HCN3: variants seen among roughly 807,000 people sequenced by gnomAD.
HCN3 encodes the protein potassium/sodium hyperpolarization-activated cyclic nucleotide-gated channel 3.
In HCN3, 36 loss-of-function variants were observed where a neutral mutation model predicts 56.8. The ratio of observed to expected loss-of-function variants is 0.63; its 90% CI spans 0.49 to 0.84. HCN3 has a LOEUF of 0.84. HCN3 is among the 40% of genes least tolerant of loss of function. HCN3 has a pLI of 0.00. For missense variants in HCN3, 930 were observed against 1,079.3 expected (o/e 0.86, Z 1.94); for synonymous variants, 425 against 439.7 (o/e 0.97, Z 0.42).
Position 155,285,434 on chromosome 1 carries a change from G to A in HCN3, c.1236+123G>A. On this transcript the variant is annotated intron_variant, in intron 5 of 7. Coordinates refer to ENST00000368358, the MANE Select transcript of HCN3 (RefSeq NM_020897.3). The surrounding 1 kb of genome is among the most constrained non-coding windows in gnomAD (Gnocchi z 4.5). ...GAGGCCTGCAGAGGGCCCCGTGGGA[G>A]GCCAGGTATTTGGGCTTTCAGGGGC... 1 of 1,332,414 alleles carries A rather than the reference G, an allele frequency of 7.5e-7. No individual in the cohort carries two copies. Among genetic ancestry groups the A allele is most frequent in the Non-Finnish European group, 1.0e-6 (1 of 985,656 alleles). The allele number at this position is 1,332,414 out of a possible 1,614,324, so 82.5% of individuals were successfully genotyped here. A position where few individuals can be genotyped will look rare whatever the true frequency, so the allele number is the denominator to read the frequency against.
In HCN3 at chr1:155,285,596, C is replaced by T. The variant is rs1674248706; in HGVS notation, c.1237-128C>T. On this transcript the variant is annotated intron_variant, in intron 5 of 7. Coordinates refer to ENST00000368358, the MANE Select transcript of HCN3 (RefSeq NM_020897.3). This position sits in a 1 kb window ranked among gnomAD's most constrained non-coding sequence, Gnocchi z 4.5. ...CAGGAGCTTAGGGATGGTCCCAGGC[C>T]CACTGATGCCTCCCCATCCTTTGGC... 1 of 1,308,188 alleles carries T rather than the reference C, an allele frequency of 7.6e-7. No homozygotes were observed. Among genetic ancestry groups the T allele is most frequent in the Non-Finnish European group, 1.0e-6 (1 of 957,330 alleles). The allele number at this position is 1,308,188 out of a possible 1,614,324, so 81.0% of individuals were successfully genotyped here.
chr1:155,286,396 C>T (rs1292890326), intron 6 of HCN3, among the ~76,000 whole-genome samples: 1 of 152,192 alleles, frequency 6.6e-6, no homozygotes, highest in African/African-American at 2.4e-5. Flanking sequence ...CCGCCCGCCT[C>T]AGCCTCCCAA....
intron 1 of HCN3, among the ~76,000 whole-genome samples, chr1:155,279,794 A>G (rs1673948028): frequency 6.6e-6 from 1 of 152,118 alleles, no homozygotes; most frequent in Non-Finnish European, 1.5e-5. Context: ...TCTCCATGTA[A>G]ATGTTTTCAG....
In HCN3 at chr1:155,285,219, C is replaced by T. The variant is rs1467465262; in HGVS notation, c.1144C>T (p.Gln382Ter). The T allele has an allele frequency of 6.2e-7, 1 of 1,614,246 alleles. No homozygotes were observed. The highest frequency in any genetic ancestry group is 1.7e-5 in the Admixed American group (1 of 60,030). ...SFHKLPADTR[Q>*]RIHEYYEHRY... ...CCACAAGCTGCCAGCAGACACGCGG[C>T]AGCGCATCCACGAGTACTATGAGCA... The change falls in exon 5 of 8, where the codon CAG becomes TAG. Residue 382 changes from glutamine to a stop codon, truncating the protein, a stop_gained. Transcript: ENST00000368358. LOFTEE classifies it high-confidence loss of function. The surrounding 1 kb of genome is among the most constrained non-coding windows in gnomAD (Gnocchi z 4.5).
At position 155,285,980 on chromosome 1, in the gene HCN3, G is replaced by A. The variant is rs1356777839; in HGVS notation, c.1477+16G>A. 1 of 1,563,616 alleles carries A rather than the reference G, an allele frequency of 6.4e-7. No homozygotes were observed. The highest frequency in any genetic ancestry group is 1.8e-5 in the Admixed American group (1 of 56,748). On this transcript the variant is annotated intron_variant, in intron 6 of 7. Coordinates refer to ENST00000368358, the MANE Select transcript of HCN3 (RefSeq NM_020897.3). This position sits in a 1 kb window ranked among gnomAD's most constrained non-coding sequence, Gnocchi z 4.5. The stretch of plus-strand genomic sequence containing the variant: ...TACTTTGGGGGTCAGCAGGCCTCAG[G>A]GAGGGTGGCAGGGTCACGAGCAGAC...
In HCN3 at chr1:155,282,619, G is replaced by A; in HGVS notation, c.487G>A (p.Ala163Thr). ...EGAEILLAPRAIRTRYLRTWF... is the reference protein window; with the variant it reads ...EGAEILLAPRTIRTRYLRTWF... ...TGCTGAGATCCTGCTGGCACCGCGGGCCATCCGCACGCGCTACCTGCGCAC... is the reference window on the plus strand; with the variant it reads ...TGCTGAGATCCTGCTGGCACCGCGGACCATCCGCACGCGCTACCTGCGCAC... The change falls in exon 2 of 8, where the codon GCC (alanine) becomes ACC (threonine). Residue 163 changes from alanine to threonine, a missense_variant. Coordinates refer to ENST00000368358, the MANE Select transcript of HCN3 (RefSeq NM_020897.3). This position sits in a 1 kb window ranked among gnomAD's most constrained non-coding sequence, Gnocchi z 4.7. 1 of 1,614,244 alleles carries A rather than the reference G, an allele frequency of 6.2e-7. No homozygotes were observed. The highest frequency in any genetic ancestry group is 2.2e-5 in the East Asian group (1 of 44,886).
Position 155,284,391 on chromosome 1 carries a change from G to GC in HCN3, c.871-142dup. On this transcript the variant is annotated intron_variant, in intron 3 of 7. Coordinates refer to ENST00000368358, the MANE Select transcript of HCN3 (RefSeq NM_020897.3). The surrounding 1 kb of genome is among the most constrained non-coding windows in gnomAD (Gnocchi z 4.3). ...CAATAGAGGACCCTTTTGCCTCAGGGCCCCCCAGAACCAAACTTAAGTGCC... is the reference window on the plus strand; with the variant it reads ...CAATAGAGGACCCTTTTGCCTCAGGGCCCCCCCAGAACCAAACTTAAGTGCC... 3 of 964,510 alleles carry GC rather than the reference G, an allele frequency of 3.1e-6. No individual in the cohort carries two copies. The highest frequency in any genetic ancestry group is 1.5e-6 in the Non-Finnish European group (1 of 667,928). 59.7% of individuals were successfully genotyped at this position (964,510 alleles called of 1,614,324 possible).
intron 1 of HCN3, among the ~76,000 whole-genome samples, chr1:155,281,326 C>T (rs887488654): frequency 2.0e-5 from 3 of 151,946 alleles, no homozygotes; most frequent in Non-Finnish European, 4.4e-5. Context: ...ATCTTGGCCT[C>T]CCAAAGTGCT....
At position 155,282,792 on chromosome 1, in the gene HCN3, G is replaced by C. The variant is rs767257749; in HGVS notation, c.660G>C (p.Arg220Ser). ...TCACCAAGATCCTAAGCCTGCTGAGGCTGCTCCGCCTCTCCCGCCTCATCC... is the reference window on the plus strand; with the variant it reads ...TCACCAAGATCCTAAGCCTGCTGAGCCTGCTCCGCCTCTCCCGCCTCATCC... ...VRFTKILSLL[R>S]LLRLSRLIRY... Residue 220 changes from arginine to serine, a missense_variant, in exon 2 of 8, where the codon AGG (arginine) becomes AGC (serine). Coordinates refer to ENST00000368358, the MANE Select transcript of HCN3 (RefSeq NM_020897.3). The surrounding 1 kb of genome is among the most constrained non-coding windows in gnomAD (Gnocchi z 4.7). 5 of 1,612,758 alleles carry C rather than the reference G, an allele frequency of 3.1e-6. No homozygotes were observed. The African/African-American group carries it at 4.0e-5, about 13-fold the overall frequency.
Position 155,285,735 on chromosome 1 carries a change from C to T in HCN3, c.1248C>T (p.Asn416=), listed in dbSNP as rs751217415. ...LSEPLREEII[N]FTCRGLVAHM... ...CCTCCCCTGTCCAGGAGATCATTAACTTCACCTGTCGGGGCCTGGTGGCCC... is the reference window on the plus strand; with the variant it reads ...CCTCCCCTGTCCAGGAGATCATTAATTTCACCTGTCGGGGCCTGGTGGCCC... Residue 416 remains asparagine, a synonymous_variant, in exon 6 of 8, where the codon AAC becomes AAT. Transcript: ENST00000368358. The surrounding 1 kb of genome is among the most constrained non-coding windows in gnomAD (Gnocchi z 4.5). The T allele has an allele frequency of 2.5e-6, 4 of 1,614,168 alleles. No individual in the cohort carries two copies. Among genetic ancestry groups the T allele is most frequent in the Non-Finnish European group, 3.4e-6 (4 of 1,180,018 alleles).
At chr1:155,279,510 T>C (rs374162461) in intron 1 of HCN3, among the ~76,000 whole-genome samples, 4 of 152,074 alleles carry the variant, frequency 2.6e-5, no homozygotes, top group African/African-American at 9.7e-5. Context: ...GGGAAGGGCA[T>C]CCCTGGAAAG....
In HCN3 at chr1:155,289,505, A is replaced by G. The variant is rs559809916; in HGVS notation, c.*1042A>G. The G allele has an allele frequency of 1.2e-3, 179 of 152,412 alleles. No individual in the cohort carries two copies. Among genetic ancestry groups the G allele is most frequent in the Non-Finnish European group, 2.2e-3 (148 of 68,074 alleles). 9.4% of individuals were successfully genotyped at this position (152,412 alleles called of 1,614,324 possible). On this transcript the variant is annotated 3_prime_UTR_variant, in exon 8 of 8. Coordinates refer to ENST00000368358, the MANE Select transcript of HCN3 (RefSeq NM_020897.3). ...CCTTCTCCCAGGTAGGGGCAGGAGGAGCCACATGAGAGAGGGAGAAGGACC... is the reference window on the plus strand; with the variant it reads ...CCTTCTCCCAGGTAGGGGCAGGAGGGGCCACATGAGAGAGGGAGAAGGACC...
chr1:155,277,465 T>G lies in HCN3; in HGVS notation c.-126T>G, dbSNP rs1673850098. On this transcript the variant is annotated 5_prime_UTR_variant, in exon 1 of 8. Coordinates refer to ENST00000368358, the MANE Select transcript of HCN3 (RefSeq NM_020897.3). ...CCCCCTCCGCCCCGCGCGCCGGCGA[T>G]TCCGAGCCTACGACGCCTCCGCTAG... The G allele has an allele frequency of 8.1e-7, 1 of 1,231,470 alleles. No homozygotes were observed. The highest frequency in any genetic ancestry group is 2.6e-5 in the East Asian group (1 of 38,578). 76.3% of individuals were successfully genotyped at this position (1,231,470 alleles called of 1,614,324 possible). A position where few individuals can be genotyped will look rare whatever the true frequency, so the allele number is the denominator to read the frequency against.
chr1:155,282,523 G>C lies in HCN3; in HGVS notation c.391G>C (p.Val131Leu). Reference protein sequence around the residue: ...ENSPPWIVFNVLSDTFFLLDL... With the variant: ...ENSPPWIVFNLLSDTFFLLDL... ...CTCCCCGCCTTGGATCGTCTTCAAC[G>C]TATTGTCTGATACTTTCTTCCTACT... Residue 131 changes from valine (V) to leucine (L), a missense_variant, in exon 2 of 8, where the codon GTA becomes CTA. By Grantham distance (32) the Val-to-Leu change is conservative. Transcript: ENST00000368358. This position sits in a 1 kb window ranked among gnomAD's most constrained non-coding sequence, Gnocchi z 4.7. The C allele has an allele frequency of 6.2e-7, 1 of 1,614,210 alleles. No individual in the cohort carries two copies. The highest frequency in any genetic ancestry group is 8.5e-7 in the Non-Finnish European group (1 of 1,180,048).
rs1007382119 is a variant in HCN3, at chr1:155,282,171, G to A, written c.279-240G>A. Among the ~76,000 whole-genome samples the A allele has an allele frequency of 6.6e-6, 1 of 152,216 alleles. No homozygotes were observed. The highest frequency in any genetic ancestry group is 2.4e-5 in the African/African-American group (1 of 41,454). ...CCTGGAGCGCATATTTTCCTTGGATGTGTCTATACGTAGGAATGGGATTGC... is the reference window on the plus strand; with the variant it reads ...CCTGGAGCGCATATTTTCCTTGGATATGTCTATACGTAGGAATGGGATTGC... On this transcript the variant is annotated intron_variant, in intron 1 of 7. Coordinates refer to ENST00000368358, the MANE Select transcript of HCN3 (RefSeq NM_020897.3). The surrounding 1 kb of genome is among the most constrained non-coding windows in gnomAD (Gnocchi z 4.7).
rs986895109 is a variant in HCN3 at position 155,284,367 on chromosome 1, A to T, written c.871-172A>T. 5.3e-5 allele frequency: 45 copies of T among 854,636 alleles called. No homozygotes were observed. Among genetic ancestry groups the T allele is most frequent in the Non-Finnish European group, 6.7e-5 (38 of 569,128 alleles). 52.9% of individuals were successfully genotyped at this position (854,636 alleles called of 1,614,324 possible). A position where few individuals can be genotyped will look rare whatever the true frequency, so the allele number is the denominator to read the frequency against. Reference sequence around the variant, plus strand: ...CCGGAAGCTGAGGCCCCCAAGTTGCAATAGAGGACCCTTTTGCCTCAGGGC... The same window carrying T: ...CCGGAAGCTGAGGCCCCCAAGTTGCTATAGAGGACCCTTTTGCCTCAGGGC... On this transcript the variant is annotated intron_variant, in intron 3 of 7. Coordinates refer to ENST00000368358, the MANE Select transcript of HCN3 (RefSeq NM_020897.3). This position sits in a 1 kb window ranked among gnomAD's most constrained non-coding sequence, Gnocchi z 4.3.
At chr1:155,281,053 G>A (rs906290906) in intron 1 of HCN3, among the ~76,000 whole-genome samples, 7 of 148,294 alleles carry the variant, frequency 4.7e-5, no homozygotes, top group African/African-American at 1.5e-4. Flanking sequence ...CGCACCCAGC[G>A]CCTGGCTAAT....
rs755472158 is a variant in HCN3 at position 155,284,751 on chromosome 1, G to A, written c.1083G>A (p.Gln361=). ...TGGACTCTTCCCGGCGTCAGTACCAGGAGAAGGTCAGCAGGGACAGGAGAG... is the reference window on the plus strand; with the variant it reads ...TGGACTCTTCCCGGCGTCAGTACCAAGAGAAGGTCAGCAGGGACAGGAGAG... The part of the protein sequence containing the change: ...QSLDSSRRQY[Q]EKYKQVEQYM... The change falls in exon 4 of 8, where the codon CAG becomes CAA. Residue 361 remains glutamine, a synonymous_variant. Transcript: ENST00000368358. The surrounding 1 kb of genome is among the most constrained non-coding windows in gnomAD (Gnocchi z 4.3). The A allele has an allele frequency of 7.4e-5, 120 of 1,613,232 alleles. 1 individual carries two copies. The East Asian group carries it at 2.6e-3, about 35-fold the overall frequency.
chr1:155,288,058 C>T lies in HCN3; in HGVS notation c.1920C>T (p.Thr640=), dbSNP rs141934611. The change falls in exon 8 of 8, where the codon ACC becomes ACT. Residue 640 remains threonine (T), a synonymous_variant. Transcript: ENST00000368358. This position sits in a 1 kb window ranked among gnomAD's most constrained non-coding sequence, Gnocchi z 6.5. ...PLPLSPDSPA[T]LLARSAWRSA... is the part of the protein sequence containing the mutation. ...CCCTCTCCCCTGACTCTCCAGCCACCCTCCTTGCTCGCTCTGCTTGGCGCT... is the reference window on the plus strand; with the variant it reads ...CCCTCTCCCCTGACTCTCCAGCCACTCTCCTTGCTCGCTCTGCTTGGCGCT... The T allele has an allele frequency of 6.2e-7, 1 of 1,613,434 alleles. No individual in the cohort carries two copies. The highest frequency in any genetic ancestry group is 1.7e-5 in the Admixed American group (1 of 59,982).
Sources: allele counts gnomAD v4.1 joint callset (sites outside exome capture counted in the v4.1 genomes callset), GRCh38; gene constraint gnomAD v4.1.1; non-coding constraint Gnocchi (gnomAD v3.1); transcripts MANE v1.5; gene names NCBI Gene and HGNC (gene_info 2026-07-23, HGNC 2026-07-21).